Variants in COL23A1 observed in about 807,000 individuals in gnomAD.
COL23A1 encodes collagen type XXIII alpha 1 chain, also known as collagen alpha-1(XXIII) chain.
Under a neutral mutation model 99.3 loss-of-function variants are expected in COL23A1, and 97 were observed. That is an observed-to-expected ratio of 0.98 (90% CI 0.83 to 1.16). COL23A1 has a LOEUF of 1.16. Among genes scored for constraint, COL23A1 ranks in the 50% most tolerant of loss-of-function variants. The probability of loss-of-function intolerance (pLI) is 0.00; values close to 1 mark genes in which losing one functional copy is unlikely to be tolerated. For missense variants in COL23A1, 762 were observed against 757.4 expected (o/e 1.01, Z -0.07); for synonymous variants, 320 against 308.2 (o/e 1.04, Z -0.40).
intron 2 of COL23A1, among the ~76,000 whole-genome samples, chr5:178,312,734 G>A (rs569224792): frequency 1.3e-5 from 2 of 152,278 alleles, no homozygotes; most frequent in Admixed American, 1.3e-4. Context: ...GCTGCTTCCT[G>A]TGGGCTCCTG....
intron 2 of COL23A1, among the ~76,000 whole-genome samples, chr5:178,554,601 G>A (rs1052551578): frequency 3.9e-5 from 6 of 152,070 alleles, no homozygotes; most frequent in African/African-American, 7.2e-5. Context: ...AGCTATATTC[G>A]TTCTCTCTTC....
chr5:178,305,345 C>G (rs148785170), intron 3 of COL23A1, among the ~76,000 whole-genome samples: 1 of 152,042 alleles, frequency 6.6e-6, no homozygotes, highest in African/African-American at 2.4e-5. Flanking sequence ...AGAAAGCCTG[C>G]GCCCAGCTCC....
At chr5:178,344,147 G>C (rs1252308042) in intron 2 of COL23A1, among the ~76,000 whole-genome samples, 1 of 152,142 alleles carries the variant, frequency 6.6e-6, no homozygotes, top group Non-Finnish European at 1.5e-5. Context: ...ATCTGTGGGG[G>C]ATTGGATCCA....
At chr5:178,432,891 C>T (rs1356743625) in intron 2 of COL23A1, among the ~76,000 whole-genome samples, 1 of 152,064 alleles carries the variant, frequency 6.6e-6, no homozygotes, top group Non-Finnish European at 1.5e-5. Flanking sequence ...GCAGTGGTCA[C>T]TAGGACTCCC....
intron 2 of COL23A1, among the ~76,000 whole-genome samples, chr5:178,503,357 AC>A (rs1443010607): frequency 6.6e-6 from 1 of 152,190 alleles, no homozygotes; most frequent in East Asian, 1.9e-4. Context: ...CCAAAAAAAA[AC>A]AAAAGTCAAT....
chr5:178,526,895 G>A (rs182895170), intron 2 of COL23A1, among the ~76,000 whole-genome samples: 6 of 152,280 alleles, frequency 3.9e-5, no homozygotes, highest in Admixed American at 1.3e-4. Context: ...ATTAACTGCC[G>A]TATGAAACTG....
Position 178,468,892 on chromosome 5 carries a change from C to T in COL23A1, c.361+91790G>A, listed in dbSNP as rs1756581905. On this transcript the variant is annotated intron_variant, in intron 2 of 28. Coordinates refer to ENST00000390654, the MANE Select transcript of COL23A1 (RefSeq NM_173465.4). This position sits in a 1 kb window ranked among gnomAD's most constrained non-coding sequence, Gnocchi z 4.2. ...TTCATCTTCCCCTGCTGAAACTCTG[C>T]ACCCATTAAACACCAACTCCCCACT... is the stretch of plus-strand genomic sequence containing the variant. 1.3e-5 allele frequency among the ~76,000 whole-genome samples: 2 copies of T among 152,212 alleles called. No individual in the cohort carries two copies. The highest frequency in any genetic ancestry group is 1.3e-4 in the Admixed American group (2 of 15,282).
chr5:178,575,834 C>G (rs544816488), intron 1 of COL23A1, among the ~76,000 whole-genome samples: 2 of 152,312 alleles, frequency 1.3e-5, no homozygotes, highest in African/African-American at 4.8e-5. Flanking sequence ...CCAGGTCCAC[C>G]TTCACTTGCT....
intron 2 of COL23A1, among the ~76,000 whole-genome samples, chr5:178,506,164 C>T (rs545144458): frequency 4.6e-5 from 7 of 152,218 alleles, no homozygotes; most frequent in Non-Finnish European, 7.3e-5. Context: ...TCTGGGCCGG[C>T]GCCGAATGAT....
intron 2 of COL23A1, among the ~76,000 whole-genome samples, chr5:178,351,497 T>G (rs1761325148): frequency 6.6e-6 from 1 of 152,048 alleles, no homozygotes; most frequent in South Asian, 2.1e-4. Context: ...CCCCCAGGGC[T>G]GGTGAGCTGC....
At chr5:178,367,650 C>A (rs573302936) in intron 2 of COL23A1, among the ~76,000 whole-genome samples, 18 of 152,300 alleles carry the variant, frequency 1.2e-4, no homozygotes, top group Middle Eastern at 3.4e-3. Context: ...TGCAGAGGGC[C>A]CATGGGATTC....
intron 18 of COL23A1, 44 bp from the exon 19 acceptor site, chr5:178,249,250 C>T (rs1348052006): frequency 6.3e-7 from 1 of 1,577,774 alleles, no homozygotes; most frequent in Admixed American, 1.7e-5. Flanking sequence ...TCAGGAGGTC[C>T]CCTCCCTTCT....
chr5:178,551,250 A>G (rs1455650010), intron 2 of COL23A1, among the ~76,000 whole-genome samples: 3 of 44,918 alleles, frequency 6.7e-5, no homozygotes, highest in Non-Finnish European at 1.5e-4. Flanking sequence ...GAATTTAATG[A>G]GTATAATGGG....
At position 178,252,602 on chromosome 5, in the gene COL23A1, G is replaced by C. The variant is rs1320645906; in HGVS notation, c.961-5C>G. On this transcript the variant is annotated splice_polypyrimidine_tract_variant and splice_region_variant and intron_variant, in intron 16 of 28. Transcript: ENST00000390654. ...CCCCTGTGGTCCGGGAGGCCCCTGT[G>C]TGTGAGAGTGAAGCCGGTCAGTGTC... The C allele has an allele frequency of 6.2e-7, 1 of 1,608,856 alleles. No individual in the cohort carries two copies. Among genetic ancestry groups the C allele is most frequent in the Non-Finnish European group, 8.5e-7 (1 of 1,177,774 alleles).
chr5:178,381,715 A>G (rs1763391893), intron 2 of COL23A1, among the ~76,000 whole-genome samples: 1 of 152,132 alleles, frequency 6.6e-6, no homozygotes, highest in South Asian at 2.1e-4. Context: ...GACTCCCTGC[A>G]GCCTTGAACT....
intron 2 of COL23A1, among the ~76,000 whole-genome samples, chr5:178,404,185 C>T (rs2910133): frequency 2.0e-5 from 3 of 152,022 alleles, no homozygotes; most frequent in Non-Finnish European, 4.4e-5. Context: ...CCAGTTCCGG[C>T]GTTCTCTCTT....
At chr5:178,323,549 G>T (rs1422434874) in intron 2 of COL23A1, among the ~76,000 whole-genome samples, 1 of 152,102 alleles carries the variant, frequency 6.6e-6, no homozygotes, top group Non-Finnish European at 1.5e-5. Context: ...TTCCTGGGGA[G>T]AGGCTAAGGG....
intron 25 of COL23A1, 145 bp from the exon 26 acceptor site, chr5:178,242,539 A>G: frequency 1.3e-6 from 1 of 768,302 alleles, no homozygotes; most frequent in Non-Finnish European, 2.2e-6. Flanking sequence ...CCCTAGCTGT[A>G]GGTGATACAC....
chr5:178,560,765 A>T lies in COL23A1; in HGVS notation c.295-17T>A, dbSNP rs1241702880. Reference sequence around the variant, plus strand: ...GTCCAACTTCTGAGCCGGAAAAAAAAAAAGAAAAAAAACGAGGAGAGAATG... The same window carrying T: ...GTCCAACTTCTGAGCCGGAAAAAAATAAAGAAAAAAAACGAGGAGAGAATG... On this transcript the variant is annotated splice_polypyrimidine_tract_variant and intron_variant, in intron 1 of 28. Coordinates refer to ENST00000390654, the MANE Select transcript of COL23A1 (RefSeq NM_173465.4). 2 of 1,599,036 alleles carry T rather than the reference A, an allele frequency of 1.3e-6. No homozygotes were observed. Among genetic ancestry groups the T allele is most frequent in the East Asian group, 4.5e-5 (2 of 44,752 alleles).
Sources: gnomAD v4.1 joint callset for allele counts (sites outside exome capture counted in the v4.1 genomes callset) on GRCh38, gnomAD v4.1.1 for gene constraint, Gnocchi (gnomAD v3.1) non-coding constraint, MANE v1.5 for transcripts, NCBI Gene and HGNC (gene_info 2026-07-23, HGNC 2026-07-21) for gene names.